The following TEAD3 variants were observed in gnomAD, a reference collection of about 807,000 sequenced individuals.
TEAD3 encodes the protein transcriptional enhancer factor TEF-5.
In TEAD3, 15 loss-of-function variants were observed where a neutral mutation model predicts 55.6. The ratio of observed to expected loss-of-function variants is 0.27; its 90% CI spans 0.18 to 0.42. The LOEUF is 0.42. TEAD3 is among the 10% of genes least tolerant of loss of function. TEAD3 has a pLI of 1.00. For missense variants in TEAD3, 407 were observed against 576.8 expected (o/e 0.71, Z 3.01); for synonymous variants, 210 against 232.2 (o/e 0.90, Z 0.87).
At chr6:35,476,265 T>A in intron 9 of TEAD3, 37 bp downstream of exon 9, 2 of 1,602,136 alleles carry the variant, frequency 1.2e-6, no homozygotes, top group South Asian at 2.2e-5. Flanking sequence ...CTCTCCACAA[T>A]TGTGCAAAGC....
At chr6:35,477,287 G>C (rs770390929) in intron 8 of TEAD3, 24 bp downstream of exon 8, 2 of 1,609,098 alleles carry the variant, frequency 1.2e-6, no homozygotes, top group Non-Finnish European at 1.7e-6. Context: ...TGCCAAGGGA[G>C]AGCACCTCGT....
chr6:35,487,548 CA>C (rs869103103), intron 1 of TEAD3, among the ~76,000 whole-genome samples: 3,179 of 54,660 alleles, frequency 0.058, 23 homozygotes, highest in African/African-American at 0.086. Context: ...CGAGACTCCT[CA>C]AAAAAAAAAA....
chr6:35,486,419 G>A lies in TEAD3; in HGVS notation c.202+42C>T. The A allele has an allele frequency of 1.3e-6, 2 of 1,581,318 alleles. No homozygotes were observed. Among genetic ancestry groups the A allele is most frequent in the Non-Finnish European group, 1.7e-6 (2 of 1,160,306 alleles). On this transcript the variant is annotated intron_variant, in intron 2 of 12. Coordinates refer to ENST00000639578, the Ensembl canonical transcript of TEAD3. This position sits in a 1 kb window ranked among gnomAD's most constrained non-coding sequence, Gnocchi z 7.3. ...CGGTTGGGTGAGAGGGCAGAGAGCAGGGGGAAGGGCCGCAGTCCCGCCCGC... is the reference window on the plus strand; with the variant it reads ...CGGTTGGGTGAGAGGGCAGAGAGCAAGGGGAAGGGCCGCAGTCCCGCCCGC...
At position 35,491,481 on chromosome 6, in the gene TEAD3, T is replaced by C. The variant is rs1768518025; in HGVS notation, c.-49-4770A>G. On this transcript the variant is annotated intron_variant, in intron 1 of 12. Coordinates refer to ENST00000639578, the Ensembl canonical transcript of TEAD3. The surrounding 1 kb of genome is among the most constrained non-coding windows in gnomAD (Gnocchi z 4.4). ...GCCAAGGCAAAACAGAGGGAGGGAG[T>C]GACAAGGGAGGCCACTGCCAGGGGC... is the stretch of plus-strand genomic sequence containing the variant. Among the ~76,000 whole-genome samples the C allele has an allele frequency of 6.7e-6, 1 of 149,358 alleles. No homozygotes were observed. Among genetic ancestry groups the C allele is most frequent in the Non-Finnish European group, 1.5e-5 (1 of 67,196 alleles).
intron 5 of TEAD3, 127 bp from the exon 6 acceptor site, chr6:35,478,698 C>T: frequency 7.9e-7 from 1 of 1,273,302 alleles, no homozygotes; most frequent in African/African-American, 1.5e-5. Flanking sequence ...AGATCCAGGC[C>T]TGGATTCCAG....
intron 1 of TEAD3, among the ~76,000 whole-genome samples, chr6:35,492,466 G>T (rs1043679343): frequency 6.6e-6 from 1 of 152,094 alleles, no homozygotes; most frequent in Non-Finnish European, 1.5e-5. Context: ...CAAGGACCCC[G>T]GAGGGACCCT....
chr6:35,493,093 G>A (rs546342665), intron 1 of TEAD3, among the ~76,000 whole-genome samples: 12 of 152,168 alleles, frequency 7.9e-5, no homozygotes, highest in South Asian at 2.1e-4. Flanking sequence ...TTTCCTCTGC[G>A]CCCTTCCTCT....
rs1349860681 is a variant in TEAD3 at position 35,486,073 on chromosome 6, CG to C, written c.202+387del. Among the ~76,000 whole-genome samples, 2 of 152,210 alleles carry C rather than the reference CG, an allele frequency of 1.3e-5. No individual in the cohort carries two copies. The highest frequency in any genetic ancestry group is 6.5e-5 in the Admixed American group (1 of 15,292). On this transcript the variant is annotated intron_variant, in intron 2 of 12. Transcript: ENST00000639578. The surrounding 1 kb of genome is among the most constrained non-coding windows in gnomAD (Gnocchi z 7.3). ...ACAGCCCGCACTGGAGAGAACTATACGGGCTGTGGGAGTCACCGGGCGACTA... is the reference window on the plus strand; with the variant it reads ...ACAGCCCGCACTGGAGAGAACTATACGGCTGTGGGAGTCACCGGGCGACTA...
rs1056761693 is a variant in TEAD3, at chr6:35,485,904, C to A, written c.202+557G>T. On this transcript the variant is annotated intron_variant, in intron 2 of 12. Coordinates refer to ENST00000639578, the Ensembl canonical transcript of TEAD3. The surrounding 1 kb of genome is among the most constrained non-coding windows in gnomAD (Gnocchi z 4.3). ...CAGCTCTGGGAGAGCCCTCTCAGGG[C>A]TGGACAAGAGGGGACACTCCCTTCT... is the stretch of plus-strand genomic sequence containing the variant. 7.0e-4 allele frequency among the ~76,000 whole-genome samples: 106 copies of A among 152,316 alleles called. No individual in the cohort carries two copies. Among genetic ancestry groups the A allele is most frequent in the African/African-American group, 2.2e-3 (92 of 41,588 alleles).
In TEAD3 at chr6:35,475,775, A is replaced by AG; in HGVS notation, c.901-70dup. ...AAGTATTCCCGCCACACCACATCAGAGTCCTGCCCAAGGATCCATCTCTGG... is the reference window on the plus strand; with the variant it reads ...AAGTATTCCCGCCACACCACATCAGAGGTCCTGCCCAAGGATCCATCTCTGG... On this transcript the variant is annotated intron_variant, in intron 10 of 12. Coordinates refer to ENST00000639578, the Ensembl canonical transcript of TEAD3. This position sits in a 1 kb window ranked among gnomAD's most constrained non-coding sequence, Gnocchi z 5.4. The AG allele has an allele frequency of 6.6e-7, 1 of 1,520,764 alleles. No individual in the cohort carries two copies. The highest frequency in any genetic ancestry group is 1.9e-4 in the Middle Eastern group (1 of 5,338). 94.2% of individuals were successfully genotyped at this position (1,520,764 alleles called of 1,614,324 possible).
chr6:35,488,808 C>T lies in TEAD3; in HGVS notation c.-49-2097G>A. 6.6e-6 allele frequency among the ~76,000 whole-genome samples: 1 copy of T among 152,208 alleles called. No individual in the cohort carries two copies. Among genetic ancestry groups the T allele is most frequent in the Non-Finnish European group, 1.5e-5 (1 of 68,036 alleles). On this transcript the variant is annotated intron_variant, in intron 1 of 12. Transcript: ENST00000639578. The surrounding 1 kb of genome is among the most constrained non-coding windows in gnomAD (Gnocchi z 4.2). ...GCGCGATCTCTGCTCACCGCAACCT[C>T]CACCTCCTGGGTTCAAGCGATTCTC... is the stretch of plus-strand genomic sequence containing the variant.
In TEAD3 at chr6:35,475,868, C is replaced by T. The variant is rs1768134961; in HGVS notation, c.900+51G>A. On this transcript the variant is annotated intron_variant, in intron 10 of 12. Coordinates refer to ENST00000639578, the Ensembl canonical transcript of TEAD3. This position sits in a 1 kb window ranked among gnomAD's most constrained non-coding sequence, Gnocchi z 5.4. ...CAATGCAGTGGGCCTGGATGTTGCACCTCTGGGGTGGGGAAGGGGGCTTGG... is the reference window on the plus strand; with the variant it reads ...CAATGCAGTGGGCCTGGATGTTGCATCTCTGGGGTGGGGAAGGGGGCTTGG... 23 of 1,505,270 alleles carry T rather than the reference C, an allele frequency of 1.5e-5. No homozygotes were observed. The highest frequency in any genetic ancestry group is 2.0e-5 in the Non-Finnish European group (22 of 1,127,370). 93.2% of individuals were successfully genotyped at this position (1,505,270 alleles called of 1,614,324 possible). A position where few individuals can be genotyped will look rare whatever the true frequency, so the allele number is the denominator to read the frequency against.
intron 4 of TEAD3, among the ~76,000 whole-genome samples, chr6:35,479,787 G>A (rs767797632): frequency 3.5e-4 from 53 of 152,356 alleles, no homozygotes; most frequent in Non-Finnish European, 6.9e-4. Flanking sequence ...CCCTGCCCAC[G>A]GAAGTCCCCA....
At chr6:35,474,921 T>G in exon 13 of TEAD3, 1 of 773,950 alleles carries the variant, frequency 1.3e-6, no homozygotes, top group South Asian at 1.9e-5. Context: ...GGAGGCCTCC[T>G]GGGTCCTGGG....
At chr6:35,474,630 TC>T (rs1402888542), downstream of TEAD3, 6 of 188,794 alleles carry the variant, frequency 3.2e-5, no homozygotes, top group African/African-American at 1.2e-4. Flanking sequence ...AACCGGACAC[TC>T]CCAGGGCCTC....
chr6:35,493,446 C>T (rs1243913196), intron 1 of TEAD3, among the ~76,000 whole-genome samples: 3 of 152,088 alleles, frequency 2.0e-5, no homozygotes, highest in Non-Finnish European at 4.4e-5. Context: ...AGATAGTGAC[C>T]ACCCACCCAC....
chr6:35,488,274 C>T lies in TEAD3; in HGVS notation c.-49-1563G>A, dbSNP rs551561271. Among the ~76,000 whole-genome samples, 12 of 152,270 alleles carry T rather than the reference C, an allele frequency of 7.9e-5. No individual in the cohort carries two copies. The highest frequency in any genetic ancestry group is 3.9e-4 in the East Asian group (2 of 5,168). ...CGTAAACCACCAACACGCCCGCCCC[C>T]GCCCTGGCCCATCCTACATGTGGGC... On this transcript the variant is annotated intron_variant, in intron 1 of 12. Coordinates refer to ENST00000639578, the Ensembl canonical transcript of TEAD3. The surrounding 1 kb of genome is among the most constrained non-coding windows in gnomAD (Gnocchi z 4.2).
chr6:35,478,446 G>A lies in TEAD3; in HGVS notation c.468C>T (p.Ser156=), dbSNP rs74643442. Residue 156 remains serine, a synonymous_variant, in exon 6 of 13, where the codon TCC becomes TCT. Transcript: ENST00000639578. Reference sequence around the variant, plus strand: ...GGGACCCATGTACCCGCGAGGAAGTGGAGAAGACGGCCTGGGGCAGAGGGG... The same window carrying A: ...GGGACCCATGTACCCGCGAGGAAGTAGAGAAGACGGCCTGGGGCAGAGGGG... 75 of 1,613,620 alleles carry A rather than the reference G, an allele frequency of 4.6e-5. No homozygotes were observed. In the African/African-American group the frequency reaches 9.7e-4, roughly 21 times the overall value.
intron 4 of TEAD3, among the ~76,000 whole-genome samples, 170 bp from the exon 5 acceptor site, chr6:35,479,486 G>A (rs1768224389): frequency 6.6e-6 from 1 of 152,246 alleles, no homozygotes; most frequent in South Asian, 2.1e-4. Flanking sequence ...GTGCCTGCCA[G>A]CTGGGGCAAG....
Sources: gnomAD v4.1 joint callset for allele counts (sites outside exome capture counted in the v4.1 genomes callset) on GRCh38, gnomAD v4.1.1 for gene constraint, Gnocchi (gnomAD v3.1) non-coding constraint, MANE v1.5 for transcripts, NCBI Gene and HGNC (gene_info 2026-07-23, HGNC 2026-07-21) for gene names.